Variants in SOD2 observed in about 807,000 individuals in gnomAD.
The protein encoded by SOD2 is superoxide dismutase 2.
A neutral mutation model predicts 27.0 loss-of-function variants in SOD2; 11 were observed. That is an observed-to-expected ratio of 0.41 (90% CI 0.26 to 0.67). The LOEUF is 0.67. Among genes scored for constraint, SOD2 ranks in the 30% least tolerant of loss-of-function variants. SOD2 has a pLI of 0.34. For missense variants in SOD2, 250 were observed against 274.5 expected (o/e 0.91, Z 0.63); for synonymous variants, 105 against 103.0 (o/e 1.02, Z -0.12).
Position 159,758,295 on chromosome 6 carries a change from G to T in SOD2, c.-336+2742C>A, listed in dbSNP as rs146926473. ...CCACAGACTGGGTGGCTTTACACGC[G>T]CATTCCTCACTGTTTTTGGAGGCTG... On this transcript the variant is annotated intron_variant, in intron 1 of 7. Transcript: ENST00000546087. 5.7e-3 allele frequency among the ~76,000 whole-genome samples: 860 copies of T among 151,278 alleles called. 7 individuals carry two copies. The highest frequency in any genetic ancestry group is 0.02 in the African/African-American group (819 of 41,228).
chr6:159,713,834 G>C lies in SOD2; in HGVS notation c.-116+13295C>G, dbSNP rs1777875787. 7 of 1,107,046 alleles carry C rather than the reference G, an allele frequency of 6.3e-6. No homozygotes were observed. In the East Asian group the frequency reaches 1.6e-4, roughly 26 times the overall value. The allele number at this position is 1,107,046 out of a possible 1,614,324, so 68.6% of individuals were successfully genotyped here. ...AAGTTCAACAAATGCTTCACCACTT[G>C]GTCTGCCTTCTCCGGTGTAGATGAA... is the stretch of plus-strand genomic sequence containing the variant. On this transcript the variant is annotated intron_variant, in intron 1 of 2. Coordinates refer to the SOD2 transcript ENST00000401980.
At chr6:159,710,610 C>G (rs1425052209) in intron 1 of SOD2, among the ~76,000 whole-genome samples, 1 of 152,074 alleles carries the variant, frequency 6.6e-6, no homozygotes, top group African/African-American at 2.4e-5. Flanking sequence ...CTCTTTAGTG[C>G]TCCTTCTCTA....
At chr6:159,739,093 A>C in intron 1 of SOD2, 1 of 1,422,222 alleles carries the variant, frequency 7.0e-7, no homozygotes, top group Non-Finnish European at 9.9e-7. Flanking sequence ...AGAACATTAT[A>C]TTGTGACTCT....
chr6:159,731,966 T>A (rs1778599346), upstream of SOD2, among the ~76,000 whole-genome samples: 1 of 150,954 alleles, frequency 6.6e-6, no homozygotes, highest in Non-Finnish European at 1.5e-5. Context: ...TGGATACCTG[T>A]CTTTAAGAAG....
chr6:159,725,656 T>C (rs1463983681), intron 1 of SOD2: 1 of 151,946 alleles, frequency 6.6e-6, no homozygotes, highest in East Asian at 1.9e-4. Flanking sequence ...AGAAATCTTG[T>C]CTCCACCCCC....
At chr6:159,734,180 G>T (rs1226028646) in intron 1 of SOD2, among the ~76,000 whole-genome samples, 3 of 152,018 alleles carry the variant, frequency 2.0e-5, no homozygotes, top group Non-Finnish European at 1.5e-5. Context: ...TGTGTGTTTT[G>T]TTTGTTTGTT....
intron 1 of SOD2, among the ~76,000 whole-genome samples, chr6:159,739,595 G>A (rs1269187525): frequency 6.6e-6 from 1 of 152,288 alleles, no homozygotes; most frequent in East Asian, 1.9e-4. Flanking sequence ...GAAGTAGGAT[G>A]TTCTGTGTTT....
At chr6:159,759,873 C>T (rs1780087414) in intron 1 of SOD2, among the ~76,000 whole-genome samples, 1 of 152,040 alleles carries the variant, frequency 6.6e-6, no homozygotes, top group African/African-American at 2.4e-5. Context: ...AGGCAGGAAA[C>T]TCTATATCCC....
intron 3 of SOD2, among the ~76,000 whole-genome samples, chr6:159,686,272 G>T (rs1780182390): frequency 6.6e-6 from 1 of 152,152 alleles, no homozygotes; most frequent in Non-Finnish European, 1.5e-5. Flanking sequence ...ACCACTGGTT[G>T]CATATGAATA....
At chr6:159,727,459 A>AGCGGAGCCGTGCGGCGGGGCGGG, upstream of SOD2, 1 of 956,176 alleles carries the variant, frequency 1.0e-6, no homozygotes, top group Non-Finnish European at 1.2e-6. Flanking sequence ...GGCAGGGCGG[A>AGCGGAGCCGTGCGGCGGGGCGGG]GCGGAGCCGT....
intron 1 of SOD2, among the ~76,000 whole-genome samples, chr6:159,711,591 CACCA>C (rs1777769091): frequency 8.5e-6 from 1 of 117,098 alleles, no homozygotes; most frequent in Non-Finnish European, 1.8e-5. Flanking sequence ...CTGCTCTGAC[CACCA>C]TAACCACCTC....
upstream of SOD2, among the ~76,000 whole-genome samples, chr6:159,694,874 G>GTC (rs1777390961): frequency 1.3e-5 from 2 of 152,054 alleles, no homozygotes; most frequent in Non-Finnish European, 2.9e-5. Flanking sequence ...AAAGTGCTGG[G>GTC]ATTACAGGTA....
At chr6:159,709,449 G>A (rs1777688874) in intron 1 of SOD2, among the ~76,000 whole-genome samples, 1 of 152,044 alleles carries the variant, frequency 6.6e-6, no homozygotes, top group Admixed American at 6.6e-5. Flanking sequence ...ATCAAAAAGT[G>A]GGCAACGGAT....
chr6:159,746,644 A>G (rs1334591679), upstream of SOD2, among the ~76,000 whole-genome samples: 2 of 152,188 alleles, frequency 1.3e-5, no homozygotes, highest in African/African-American at 4.8e-5. Flanking sequence ...CTATATTCTT[A>G]ACTATATACT....
upstream of SOD2, among the ~76,000 whole-genome samples, chr6:159,731,822 C>A (rs1208306351): frequency 6.6e-6 from 1 of 152,134 alleles, no homozygotes; most frequent in Non-Finnish European, 1.5e-5. Flanking sequence ...AAGTTGACAA[C>A]CTGTTTCAGA....
At chr6:159,734,153 C>A (rs1387189246) in intron 1 of SOD2, among the ~76,000 whole-genome samples, 1 of 151,966 alleles carries the variant, frequency 6.6e-6, no homozygotes, top group Non-Finnish European at 1.5e-5. Context: ...TGGGAGAAAT[C>A]AAGTAGTCTT....
At chr6:159,723,522 G>C (rs1256574838) in intron 1 of SOD2, among the ~76,000 whole-genome samples, 2 of 152,178 alleles carry the variant, frequency 1.3e-5, no homozygotes, top group African/African-American at 4.8e-5. Flanking sequence ...TTCTCCAAAG[G>C]AGCTCTGGAT....
At chr6:159,712,014 T>C (rs112971705) in intron 1 of SOD2, among the ~76,000 whole-genome samples, 2,799 of 45,002 alleles carry the variant, frequency 0.062, 15 homozygotes, top group Admixed American at 0.096. Context: ...ACCACCTCCA[T>C]AACCACCACT....
chr6:159,749,418 A>G (rs1779741787), upstream of SOD2: 1 of 972,106 alleles, frequency 1.0e-6, no homozygotes, highest in Admixed American at 7.3e-5. Context: ...TGTGCCTTGA[A>G]ATAGTTGGTT....
Sources: allele counts gnomAD v4.1 joint callset (sites outside exome capture counted in the v4.1 genomes callset), GRCh38; gene constraint gnomAD v4.1.1; transcripts MANE v1.5; gene names NCBI Gene and HGNC (gene_info 2026-07-23, HGNC 2026-07-21).